WDCP: variants seen among roughly 807,000 people sequenced by gnomAD.
WDCP encodes the protein WD repeat and coiled coil containing, also known as WD repeat and coiled-coil-containing protein.
In WDCP, 19 loss-of-function variants were observed where a neutral mutation model predicts 41.6. The observed-to-expected ratio is 0.46, with a 90% CI of 0.32 to 0.67. The LOEUF (loss-of-function observed/expected upper bound fraction) is 0.67. Ranked by LOEUF, WDCP falls within the 30% of genes least tolerant of loss-of-function variation. WDCP has a pLI of 0.04. For missense variants in WDCP, 802 were observed against 850.7 expected (o/e 0.94, Z 0.71); for synonymous variants, 302 against 320.8 (o/e 0.94, Z 0.63).
At chr2:24,043,595 A>G (rs1169148268) in intron 1 of WDCP, among the ~76,000 whole-genome samples, 4 of 152,204 alleles carry the variant, frequency 2.6e-5, no homozygotes, top group African/African-American at 7.2e-5. Context: ...AACTGGCAGT[A>G]CTCATATTTT....
At chr2:24,044,291 GCA>G (rs1313429016) in intron 1 of WDCP, among the ~76,000 whole-genome samples, 3 of 151,564 alleles carry the variant, frequency 2.0e-5, no homozygotes, top group Non-Finnish European at 4.4e-5. Flanking sequence ...GGGCGTGGGG[GCA>G]CAGTCTTGCT....
At position 24,029,552 on chromosome 2, in the gene WDCP, T is replaced by C. The variant is rs561342325; in HGVS notation, c.*1381A>G. ...CTCAGACTGTTCTCAGTCACTGCTC[T>C]CCCACAGCTGATTACAGACATTGCC... On this transcript the variant is annotated 3_prime_UTR_variant, in exon 4 of 4. Coordinates refer to ENST00000295148, the MANE Select transcript of WDCP (RefSeq NM_025203.3). 2.0e-5 allele frequency: 3 copies of C among 152,288 alleles called. No homozygotes were observed. In the South Asian group the frequency reaches 6.2e-4, roughly 32 times the overall value. 9.4% of individuals were successfully genotyped at this position (152,288 alleles called of 1,614,324 possible). A position where few individuals can be genotyped will look rare whatever the true frequency, so the allele number is the denominator to read the frequency against.
intron 1 of WDCP, 29 bp from the exon 2 acceptor site, chr2:24,039,541 C>G (rs774497414): frequency 6.3e-7 from 1 of 1,579,246 alleles, no homozygotes; most frequent in Admixed American, 1.7e-5. Context: ...AAAGTTACAC[C>G]ATGAGAAATC....
intron 1 of WDCP, among the ~76,000 whole-genome samples, chr2:24,039,947 G>A (rs1663374802): frequency 6.6e-6 from 1 of 152,022 alleles, no homozygotes; most frequent in African/African-American, 2.4e-5. Flanking sequence ...ACAGGTGCCT[G>A]CCACCAGGCC....
At chr2:24,043,491 TAAAAC>T (rs70944709) in intron 1 of WDCP, among the ~76,000 whole-genome samples, 17 of 151,136 alleles carry the variant, frequency 1.1e-4, no homozygotes, top group Admixed American at 2.6e-4. Context: ...TGTCTCTACT[TAAAAC>T]AAAACAAAAC....
At position 24,037,863 on chromosome 2, in the gene WDCP, T is replaced by C. The variant is rs921231266; in HGVS notation, c.1632A>G (p.Gln544=). 5 of 1,614,092 alleles carry C rather than the reference T, an allele frequency of 3.1e-6. No individual in the cohort carries two copies. The Admixed American group carries it at 5.0e-5, about 16-fold the overall frequency. ...CCTTTTCACTTTGTAAGTTCTTTCTTTGAGGCAAACGAGGAGGCTCCAGTG... is the reference window on the plus strand; with the variant it reads ...CCTTTTCACTTTGTAAGTTCTTTCTCTGAGGCAAACGAGGAGGCTCCAGTG... ...TSTLEPPRLP[Q]RKNLQSEKET... The change falls in exon 2 of 4, where the codon CAA becomes CAG. Residue 544 remains glutamine (Q), a synonymous_variant. Transcript: ENST00000295148.
rs1301218773 is a variant in WDCP, at chr2:24,039,207, C to T, written c.288G>A (p.Glu96=). The T allele has an allele frequency of 4.3e-6, 7 of 1,614,258 alleles. No homozygotes were observed. The highest frequency in any genetic ancestry group is 2.2e-5 in the South Asian group (2 of 91,092). Reference sequence around the variant, plus strand: ...TCTGAGACGTCAGCCATTTGCTTGACTCCATAGGGCTGGGACACAGCTGCC... The same window carrying T: ...TCTGAGACGTCAGCCATTTGCTTGATTCCATAGGGCTGGGACACAGCTGCC... ...TVWQLCPSPM[E]SSKWLTSQTC... is the part of the protein sequence containing the mutation. The change falls in exon 2 of 4, where the codon GAG becomes GAA. Residue 96 remains glutamate (E), a synonymous_variant. Coordinates refer to ENST00000295148, the MANE Select transcript of WDCP (RefSeq NM_025203.3).
rs759539063 is a variant in WDCP at position 24,038,303 on chromosome 2, G to C, written c.1192C>G (p.Leu398Val). 5 of 1,614,166 alleles carry C rather than the reference G, an allele frequency of 3.1e-6. No homozygotes were observed. Among genetic ancestry groups the C allele is most frequent in the Non-Finnish European group, 4.2e-6 (5 of 1,180,020 alleles). Reference protein sequence around the residue: ...PKGICFLTDQLLLILVGKQKL... With the variant: ...PKGICFLTDQVLLILVGKQKL... ...TGTTTTCCTACCAAAATTAGTAATAGTTGGTCTGTCAAGAAACATATCCCT... is the reference window on the plus strand; with the variant it reads ...TGTTTTCCTACCAAAATTAGTAATACTTGGTCTGTCAAGAAACATATCCCT... The change falls in exon 2 of 4, where the codon CTA (leucine) becomes GTA (valine). Residue 398 changes from leucine (L) to valine (V), a missense_variant. Leu to Val is a conservative substitution (Grantham distance 32). This residue lies in a region of WDCP where 247 missense variants were observed against 240.5 expected (regional missense o/e 1.03). Transcript: ENST00000295148.
At chr2:24,043,331 G>T (rs1663512796) in intron 1 of WDCP, among the ~76,000 whole-genome samples, 1 of 151,990 alleles carries the variant, frequency 6.6e-6, no homozygotes, top group South Asian at 2.1e-4. Flanking sequence ...GTGAGACTCG[G>T]TCTCAAAAAC....
rs559454690 is a variant in WDCP, at chr2:24,032,975, C to A, written c.1819-29G>T. On this transcript the variant is annotated intron_variant, in intron 2 of 3. Transcript: ENST00000295148. ...CAAATAAAAAATAAAAGTTGTTAAACTGATTGCAGAAGTAATCGAGTTAAC... is the reference window on the plus strand; with the variant it reads ...CAAATAAAAAATAAAAGTTGTTAAAATGATTGCAGAAGTAATCGAGTTAAC... 5 of 1,356,726 alleles carry A rather than the reference C, an allele frequency of 3.7e-6. No homozygotes were observed. The African/African-American group carries it at 7.2e-5, about 19-fold the overall frequency. The allele number at this position is 1,356,726 out of a possible 1,614,324, so 84.0% of individuals were successfully genotyped here. A position where few individuals can be genotyped will look rare whatever the true frequency, so the allele number is the denominator to read the frequency against.
At chr2:24,046,645 C>G (rs554346864) in intron 1 of WDCP, among the ~76,000 whole-genome samples, 8 of 152,324 alleles carry the variant, frequency 5.3e-5, no homozygotes, top group Admixed American at 2.6e-4. Flanking sequence ...CCTCCCCCAA[C>G]TTGTTTTCCA....
chr2:24,031,774 C>T (rs1663104320), intron 3 of WDCP, among the ~76,000 whole-genome samples: 1 of 150,748 alleles, frequency 6.6e-6, no homozygotes, highest in South Asian at 2.1e-4. Context: ...TGCAGTGAGC[C>T]GAGATCATGC....
At chr2:24,034,465 G>A (rs1252438026) in intron 2 of WDCP, among the ~76,000 whole-genome samples, 1 of 151,606 alleles carries the variant, frequency 6.6e-6, no homozygotes, top group Non-Finnish European at 1.5e-5. Context: ...ATATAATGCA[G>A]ACAGTAAAGC....
At chr2:24,047,276 C>G (rs1224023027) in intron 1 of WDCP, 38 bp downstream of exon 1, 1 of 152,384 alleles carries the variant, frequency 6.6e-6, no homozygotes, top group African/African-American at 2.4e-5. Flanking sequence ...ACAGCCTCCC[C>G]ACACCCGCCA....
chr2:24,030,826 C>T lies in WDCP; in HGVS notation c.*107G>A. ...CCAGGAGAGCCGACCATGGCAAGCG[C>T]TTCGCCTGAGTGCAGTGGGAGTCTC... On this transcript the variant is annotated 3_prime_UTR_variant, in exon 4 of 4. Coordinates refer to ENST00000295148, the MANE Select transcript of WDCP (RefSeq NM_025203.3). The T allele has an allele frequency of 2.3e-6, 2 of 859,106 alleles. No individual in the cohort carries two copies. Among genetic ancestry groups the T allele is most frequent in the Non-Finnish European group, 3.7e-6 (2 of 546,940 alleles). 53.2% of individuals were successfully genotyped at this position (859,106 alleles called of 1,614,324 possible).
chr2:24,044,778 T>A lies in WDCP; in HGVS notation c.-19+2536A>T, dbSNP rs1479536190. Reference sequence around the variant, plus strand: ...TTGATACCAGTCTCTACTTTCCAAATGAGCCTGCATACTATGTGTTGTTGG... The same window carrying A: ...TTGATACCAGTCTCTACTTTCCAAAAGAGCCTGCATACTATGTGTTGTTGG... On this transcript the variant is annotated intron_variant, in intron 1 of 3. Transcript: ENST00000295148. Among the ~76,000 whole-genome samples the A allele has an allele frequency of 5.1e-5, 7 of 137,758 alleles. No homozygotes were observed. In the Admixed American group the frequency reaches 5.6e-4, roughly 11 times the overall value. The allele number at this position is 137,758 out of a possible 152,430, so 90.4% of individuals were successfully genotyped here.
chr2:24,035,926 A>ATTGGG (rs1663236957), intron 2 of WDCP, among the ~76,000 whole-genome samples: 2 of 149,822 alleles, frequency 1.3e-5, no homozygotes, highest in African/African-American at 4.9e-5. Flanking sequence ...AAAATTAGCC[A>ATTGGG]GGTGTGGTGG....
In WDCP at chr2:24,039,294, T is replaced by A. The variant is rs1663352387; in HGVS notation, c.201A>T (p.Pro67=). The A allele has an allele frequency of 6.2e-7, 1 of 1,614,066 alleles. No homozygotes were observed. Among genetic ancestry groups the A allele is most frequent in the Admixed American group, 1.7e-5 (1 of 60,006 alleles). ...FECVCGLSWA[P]PVADDTPVLL... ...GAACAGGTGTATCATCTGCAACAGG[T>A]GGGGCCCAGGACAACCCACAGACAC... Residue 67 remains proline (P), a synonymous_variant, in exon 2 of 4, where the codon CCA becomes CCT. Coordinates refer to ENST00000295148, the MANE Select transcript of WDCP (RefSeq NM_025203.3).
chr2:24,032,823 A>G lies in WDCP; in HGVS notation c.1936+6T>C. On this transcript the variant is annotated splice_donor_region_variant and intron_variant, in intron 3 of 3. Transcript: ENST00000295148. ...TAGCTAGGGTCAATTTCTGAGCACGACCTACCATGTAGCATTTCAATGAGA... is the reference window on the plus strand; with the variant it reads ...TAGCTAGGGTCAATTTCTGAGCACGGCCTACCATGTAGCATTTCAATGAGA... The G allele has an allele frequency of 6.5e-7, 1 of 1,548,310 alleles. No individual in the cohort carries two copies. Among genetic ancestry groups the G allele is most frequent in the African/African-American group, 1.4e-5 (1 of 73,642 alleles).
Sources: allele counts gnomAD v4.1 joint callset (sites outside exome capture counted in the v4.1 genomes callset), GRCh38; gene constraint gnomAD v4.1.1; regional missense constraint gnomAD v4.1.1; transcripts MANE v1.5; gene names NCBI Gene and HGNC (gene_info 2026-07-23, HGNC 2026-07-21).